The following TUFT1 variants were observed in gnomAD, a reference collection of about 807,000 sequenced individuals.
TUFT1 encodes tuftelin.
A neutral mutation model predicts 57.8 loss-of-function variants in TUFT1; 43 were observed. That is an observed-to-expected ratio of 0.74 (90% CI 0.58 to 0.96). The LOEUF (loss-of-function observed/expected upper bound fraction) is 0.96. TUFT1 is among the 40% of genes least tolerant of loss of function. The pLI is 0.00. For synonymous variants in TUFT1, 166 were observed against 176.7 expected, an observed-to-expected ratio of 0.94 and a Z score of 0.48; for missense variants, 459 against 489.0, an observed-to-expected ratio of 0.94 and a Z score of 0.58.
At chr1:151,576,989 G>A (rs912868998) in intron 9 of TUFT1, among the ~76,000 whole-genome samples, 1 of 152,102 alleles carries the variant, frequency 6.6e-6, no homozygotes, top group Admixed American at 6.6e-5. Context: ...GCCCAGGCTG[G>A]TCTCGAACTC....
chr1:151,574,858 G>A (rs749612445), intron 8 of TUFT1, 53 bp from the exon 9 acceptor site: 45 of 1,479,224 alleles, frequency 3.0e-5, no homozygotes, highest in African/African-American at 4.2e-5. Flanking sequence ...TAGCCCAAAC[G>A]CAGAAACTGT....
chr1:151,552,431 C>T (rs1368395944), intron 1 of TUFT1, among the ~76,000 whole-genome samples: 2 of 152,106 alleles, frequency 1.3e-5, no homozygotes, highest in African/African-American at 2.4e-5. Flanking sequence ...GGCCCGGGCG[C>T]GGTGGCTCAC....
At chr1:151,578,205 T>A (rs1666539449) in intron 9 of TUFT1, among the ~76,000 whole-genome samples, 2 of 152,194 alleles carry the variant, frequency 1.3e-5, no homozygotes, top group South Asian at 4.1e-4. Flanking sequence ...CTGTTGCTTC[T>A]AGATTTACCC....
At chr1:151,579,453 C>T (rs1233513966) in intron 10 of TUFT1, among the ~76,000 whole-genome samples, 196 bp from the exon 11 acceptor site, 5 of 152,188 alleles carry the variant, frequency 3.3e-5, no homozygotes, top group African/African-American at 1.2e-4. Context: ...TGGTATTCCC[C>T]TCACACACTC....
chr1:151,561,786 G>T (rs1446682907), intron 1 of TUFT1: 1 of 1,378,752 alleles, frequency 7.3e-7, no homozygotes, highest in African/African-American at 1.4e-5. Context: ...AAAGAAGAAT[G>T]CATGCAATGT....
At chr1:151,557,223 G>T (rs1665730314) in intron 1 of TUFT1, among the ~76,000 whole-genome samples, 2 of 152,010 alleles carry the variant, frequency 1.3e-5, no homozygotes, top group South Asian at 4.1e-4. Flanking sequence ...TTACTAGTTT[G>T]AGTGAAGAAG....
At chr1:151,576,939 A>G (rs935728589) in intron 9 of TUFT1, among the ~76,000 whole-genome samples, 2 of 151,930 alleles carry the variant, frequency 1.3e-5, no homozygotes, top group Non-Finnish European at 2.9e-5. Context: ...TATTTTTTTA[A>G]TTTAAAAAGT....
rs745875107 is a variant in TUFT1, at chr1:151,582,160, C to T, written c.*453C>T. ...TGAAGTTCCTTCCACAAACACAGCTCAGTTCTTAGCAACAAACTGTTTGTT... is the reference window on the plus strand; with the variant it reads ...TGAAGTTCCTTCCACAAACACAGCTTAGTTCTTAGCAACAAACTGTTTGTT... On this transcript the variant is annotated 3_prime_UTR_variant, in exon 13 of 13. Transcript: ENST00000368849. 6.5e-6 allele frequency: 3 copies of T among 459,544 alleles called. No homozygotes were observed. Among genetic ancestry groups the T allele is most frequent in the South Asian group, 4.6e-5 (3 of 64,608 alleles). 28.5% of individuals were successfully genotyped at this position (459,544 alleles called of 1,614,324 possible).
At chr1:151,550,796 T>G (rs1558002527) in intron 1 of TUFT1, among the ~76,000 whole-genome samples, 1 of 152,208 alleles carries the variant, frequency 6.6e-6, no homozygotes, top group Non-Finnish European at 1.5e-5. Context: ...GGCACGGTGG[T>G]GCACGCCTGT....
chr1:151,581,047 G>A lies in TUFT1; in HGVS notation c.1109+5G>A. 1 of 1,613,838 alleles carries A rather than the reference G, an allele frequency of 6.2e-7. No individual in the cohort carries two copies. The highest frequency in any genetic ancestry group is 8.5e-7 in the Non-Finnish European group (1 of 1,179,792). The stretch of plus-strand genomic sequence containing the variant: ...CAAGACAGAGAACCCGGGCAGGTGA[G>A]TGAGCGTGTGTAGATAGAATGGGGC... On this transcript the variant is annotated splice_donor_5th_base_variant and intron_variant, in intron 12 of 12. Transcript: ENST00000368849.
intron 1 of TUFT1, chr1:151,557,346 C>T: frequency 3.3e-6 from 2 of 599,532 alleles, no homozygotes; most frequent in Admixed American, 2.8e-5. Context: ...TTTAGAACCA[C>T]ATCAGACATT....
At chr1:151,546,696 C>T (rs1183223263) in intron 1 of TUFT1, among the ~76,000 whole-genome samples, 2 of 152,204 alleles carry the variant, frequency 1.3e-5, no homozygotes, top group African/African-American at 4.8e-5. Context: ...TAATGTGAAT[C>T]AGTACTTCAT....
chr1:151,546,027 C>G (rs1479045560), intron 1 of TUFT1: 1 of 271,470 alleles, frequency 3.7e-6, no homozygotes, highest in African/African-American at 2.8e-5. Context: ...TCTACAGCAT[C>G]TTTTTATTGT....
intron 6 of TUFT1, 124 bp from the exon 7 acceptor site, chr1:151,569,533 A>C: frequency 1.4e-6 from 1 of 712,322 alleles, no homozygotes; most frequent in Non-Finnish European, 2.5e-6. Context: ...GTGTGATGAC[A>C]GTTCTTTTTT....
intron 9 of TUFT1, among the ~76,000 whole-genome samples, chr1:151,578,056 G>A (rs1666533371): frequency 6.6e-6 from 1 of 151,948 alleles, no homozygotes; most frequent in South Asian, 2.1e-4. Flanking sequence ...AGGTCGGAGA[G>A]GGAAATCCTA....
intron 1 of TUFT1, among the ~76,000 whole-genome samples, chr1:151,552,155 G>A (rs1460566560): frequency 1.3e-5 from 2 of 152,172 alleles, no homozygotes; most frequent in South Asian, 4.1e-4. Flanking sequence ...ATCTTTGTGA[G>A]ATTTACTGAT....
intron 11 of TUFT1, 80 bp downstream of exon 11, chr1:151,579,812 G>A (rs566967029): frequency 7.2e-7 from 1 of 1,383,238 alleles, no homozygotes; most frequent in Non-Finnish European, 9.9e-7. Flanking sequence ...GGTTATGGGA[G>A]GGGTCTTTGT....
intron 10 of TUFT1, among the ~76,000 whole-genome samples, chr1:151,579,095 A>G (rs886817840): frequency 2.6e-5 from 4 of 152,176 alleles, no homozygotes; most frequent in Non-Finnish European, 4.4e-5. Flanking sequence ...AGTGTGGGTA[A>G]ATGAGTAGTT....
At chr1:151,564,093 T>C in intron 4 of TUFT1, 103 bp downstream of exon 4, 1 of 905,576 alleles carries the variant, frequency 1.1e-6, no homozygotes, top group Non-Finnish European at 1.7e-6. Flanking sequence ...CCCCTTCTTT[T>C]TCCTTTATGT....
Sources: gnomAD v4.1 joint callset for allele counts (sites outside exome capture counted in the v4.1 genomes callset) on GRCh38, gnomAD v4.1.1 for gene constraint, MANE v1.5 for transcripts, NCBI Gene and HGNC (gene_info 2026-07-23, HGNC 2026-07-21) for gene names.